Variants in CDC42SE1 observed in about 807,000 individuals in gnomAD.
CDC42SE1 encodes CDC42 small effector protein 1.
CDC42SE1 carries 10 observed loss-of-function variants against 10.9 expected under a neutral mutation model. The ratio of observed to expected loss-of-function variants is 0.92; its 90% CI spans 0.57 to 1.56. The LOEUF is 1.56. Among genes scored for constraint, CDC42SE1 ranks in the 40% most tolerant of loss-of-function variants. The pLI is 0.00. For synonymous variants in CDC42SE1, 24 were observed against 32.0 expected, an observed-to-expected ratio of 0.75 and a Z score of 0.85; for missense variants, 81 against 100.8, an observed-to-expected ratio of 0.80 and a Z score of 0.84.
At position 151,057,199 on chromosome 1, in the gene CDC42SE1, T is replaced by C. The variant is rs1315653217; in HGVS notation, c.-263-1206A>G. ...TCCCTTTCTTGCAGGCCGGGAACCC[T>C]GATGCTTTGGCACCCTAGACTGATT... On this transcript the variant is annotated intron_variant, in intron 1 of 4. Transcript: ENST00000357235. The surrounding 1 kb of genome is among the most constrained non-coding windows in gnomAD (Gnocchi z 4.0). Among the ~76,000 whole-genome samples the C allele has an allele frequency of 6.6e-6, 1 of 152,192 alleles. No homozygotes were observed. The highest frequency in any genetic ancestry group is 1.5e-5 in the Non-Finnish European group (1 of 68,032).
In CDC42SE1 at chr1:151,057,981, G is replaced by A. The variant is rs1486368853; in HGVS notation, c.-264+1498C>T. On this transcript the variant is annotated intron_variant, in intron 1 of 4. Transcript: ENST00000357235. This position sits in a 1 kb window ranked among gnomAD's most constrained non-coding sequence, Gnocchi z 4.0. ...TGATGGTGGTGGTGGCAGGTGGTAA[G>A]GGTTGGGGAAAAATGAAGAATTAGA... The A allele has an allele frequency of 6.6e-6, 1 of 152,424 alleles. No individual in the cohort carries two copies. The highest frequency in any genetic ancestry group is 1.5e-5 in the Non-Finnish European group (1 of 68,248). 9.4% of individuals were successfully genotyped at this position (152,424 alleles called of 1,614,324 possible).
In CDC42SE1 at chr1:151,051,247, T is replaced by C. The variant is rs1676171545; in HGVS notation, c.*2097A>G. On this transcript the variant is annotated 3_prime_UTR_variant, in exon 5 of 5. Transcript: ENST00000357235. Reference sequence around the variant, plus strand: ...CTATCCTGTTAACCCTTTAGATCTCTAGTATAACACTCAGGCTACTGAGGT... The same window carrying C: ...CTATCCTGTTAACCCTTTAGATCTCCAGTATAACACTCAGGCTACTGAGGT... 6.6e-6 allele frequency: 1 copy of C among 151,754 alleles called. No individual in the cohort carries two copies. Among genetic ancestry groups the C allele is most frequent in the African/African-American group, 2.4e-5 (1 of 41,324 alleles). The allele number at this position is 151,754 out of a possible 1,614,324, so 9.4% of individuals were successfully genotyped here. A position where few individuals can be genotyped will look rare whatever the true frequency, so the allele number is the denominator to read the frequency against.
Position 151,054,211 on chromosome 1 carries a change from G to A in CDC42SE1, c.*16+20C>T, listed in dbSNP as rs587683398. On this transcript the variant is annotated intron_variant, in intron 4 of 4. Coordinates refer to ENST00000357235, the MANE Select transcript of CDC42SE1 (RefSeq NM_020239.4). Reference sequence around the variant, plus strand: ...TGTTATGGGGGCTGAGGTGTTAGATGGGTTTCTCTAATCACTCACCATTCC... The same window carrying A: ...TGTTATGGGGGCTGAGGTGTTAGATAGGTTTCTCTAATCACTCACCATTCC... The A allele has an allele frequency of 9.4e-5, 138 of 1,461,524 alleles. 2 individuals are homozygous for A. In the South Asian group the frequency reaches 1.4e-3, roughly 15 times the overall value. The allele number at this position is 1,461,524 out of a possible 1,614,324, so 90.5% of individuals were successfully genotyped here. A position where few individuals can be genotyped will look rare whatever the true frequency, so the allele number is the denominator to read the frequency against.
At chr1:151,054,513 GGTCTTTTACTA>G (rs890923423) in intron 3 of CDC42SE1, among the ~76,000 whole-genome samples, 192 bp from the exon 4 acceptor site, 36 of 152,068 alleles carry the variant, frequency 2.4e-4, no homozygotes, top group African/African-American at 8.5e-4. Flanking sequence ...AGGTAAAATG[GGTCTTTTACTA>G]ATAATATTCC....
chr1:151,054,450 T>G, intron 3 of CDC42SE1, 129 bp from the exon 4 acceptor site: 1 of 750,716 alleles, frequency 1.3e-6, no homozygotes, highest in Non-Finnish European at 2.3e-6. Flanking sequence ...CTAACCACCA[T>G]TCCTCCTAGG....
At position 151,057,390 on chromosome 1, in the gene CDC42SE1, G is replaced by A. The variant is rs1402500328; in HGVS notation, c.-263-1397C>T. On this transcript the variant is annotated intron_variant, in intron 1 of 4. Transcript: ENST00000357235. This position sits in a 1 kb window ranked among gnomAD's most constrained non-coding sequence, Gnocchi z 4.0. ...TACAAAAGATTAGCTGGGCGTGGTGGCGGATGCCTGTAATCCCAGCTACTT... is the reference window on the plus strand; with the variant it reads ...TACAAAAGATTAGCTGGGCGTGGTGACGGATGCCTGTAATCCCAGCTACTT... 6.6e-6 allele frequency among the ~76,000 whole-genome samples: 1 copy of A among 152,214 alleles called. No homozygotes were observed. Among genetic ancestry groups the A allele is most frequent in the East Asian group, 1.9e-4 (1 of 5,200 alleles).
Position 151,055,661 on chromosome 1 carries a change from G to T in CDC42SE1, c.54+16C>A. ...TGACTGCTCTTTGGGTTAGGATGGG[G>T]GGTGGGGAGACTCACCGGCTGGGGT... On this transcript the variant is annotated intron_variant, in intron 2 of 4. Transcript: ENST00000357235. The T allele has an allele frequency of 1.2e-6, 2 of 1,606,594 alleles. No individual in the cohort carries two copies. Among genetic ancestry groups the T allele is most frequent in the South Asian group, 2.2e-5 (2 of 90,624 alleles).
At chr1:151,054,171 G>A (rs1290680612) in intron 4 of CDC42SE1, 60 bp downstream of exon 4, 2 of 1,060,208 alleles carry the variant, frequency 1.9e-6, no homozygotes, top group Non-Finnish European at 2.9e-6. Context: ...TCTGAGTCAG[G>A]GTATCAGGTT....
intron 1 of CDC42SE1, chr1:151,056,854 C>A (rs1676288622): frequency 6.6e-6 from 1 of 152,452 alleles, no homozygotes; most frequent in Non-Finnish European, 1.5e-5. Context: ...TCCCCACCGT[C>A]CACATGTCCT....
chr1:151,054,575 C>T (rs985393602), intron 3 of CDC42SE1, among the ~76,000 whole-genome samples: 12 of 152,188 alleles, frequency 7.9e-5, no homozygotes, highest in South Asian at 4.1e-4. Context: ...GTTTCAGGAT[C>T]TGAGAAAAGA....
At chr1:151,055,621 A>G in intron 2 of CDC42SE1, 56 bp downstream of exon 2, 1 of 1,428,754 alleles carries the variant, frequency 7.0e-7, no homozygotes. Context: ...TGGCTACCTC[A>G]CAGCACACAG....
chr1:151,055,991 AC>A lies in CDC42SE1; in HGVS notation c.-262del, dbSNP rs1321082478. The A allele has an allele frequency of 1.9e-6, 1 of 533,252 alleles. No individual in the cohort carries two copies. Among genetic ancestry groups the A allele is most frequent in the African/African-American group, 1.9e-5 (1 of 52,520 alleles). 33.0% of individuals were successfully genotyped at this position (533,252 alleles called of 1,614,324 possible). ...AGGTTATGTCTTCCTCAGACTCGGA[AC>A]CCTGGATTAGAAGAAAGTAAAAAGA... On this transcript the variant is annotated splice_region_variant and 5_prime_UTR_variant, in exon 2 of 5. An upstream open reading frame in the 5' UTR gains an earlier in-frame stop. Transcript: ENST00000357235.
chr1:151,056,333 CT>C (rs1676277871), intron 1 of CDC42SE1, among the ~76,000 whole-genome samples: 1 of 152,134 alleles, frequency 6.6e-6, no homozygotes. Context: ...TCCCTTCTCT[CT>C]GAGTTTAGGG....
Position 151,051,253 on chromosome 1 carries a change from AACACTCAG to A in CDC42SE1, c.*2083_*2090del, listed in dbSNP as rs928621634. On this transcript the variant is annotated 3_prime_UTR_variant, in exon 5 of 5. Coordinates refer to ENST00000357235, the MANE Select transcript of CDC42SE1 (RefSeq NM_020239.4). ...TGTTAACCCTTTAGATCTCTAGTATAACACTCAGGCTACTGAGGTATTTTAGAGCAACA... is the reference window on the plus strand; with the variant it reads ...TGTTAACCCTTTAGATCTCTAGTATAGCTACTGAGGTATTTTAGAGCAACA... The A allele has an allele frequency of 6.6e-6, 1 of 152,036 alleles. No individual in the cohort carries two copies. The highest frequency in any genetic ancestry group is 1.5e-5 in the Non-Finnish European group (1 of 68,004). The allele number at this position is 152,036 out of a possible 1,614,324, so 9.4% of individuals were successfully genotyped here. A position where few individuals can be genotyped will look rare whatever the true frequency, so the allele number is the denominator to read the frequency against.
rs770624540 is a variant in CDC42SE1 at position 151,054,256 on chromosome 1, C to G, written c.231G>C (p.Arg77Ser). The G allele has an allele frequency of 1.9e-5, 31 of 1,611,904 alleles. No individual in the cohort carries two copies. The highest frequency in any genetic ancestry group is 2.6e-5 in the Non-Finnish European group (31 of 1,178,220). ...GNRDRPWSNS[R>S]GL ...CATTCCATTATTGGAGCTATAAGCC[C>G]CTAGAATTGCTCCATGGCCTATCTC... Residue 77 changes from arginine (R) to serine (S), a missense_variant, in exon 4 of 5, where the codon AGG (arginine) becomes AGC (serine). By Grantham distance (110) the Arg-to-Ser change is moderately radical (BLOSUM62 -1). Transcript: ENST00000357235.
At position 151,055,080 on chromosome 1, in the gene CDC42SE1, A is replaced by G; in HGVS notation, c.101T>C (p.Met34Thr). 1 of 1,613,514 alleles carries G rather than the reference A, an allele frequency of 6.2e-7. No homozygotes were observed. The change falls in exon 3 of 5, where the codon ATG becomes ACG. Residue 34 changes from methionine to threonine, a missense_variant. Met to Thr is a moderately conservative substitution (Grantham distance 81, BLOSUM62 -1). Coordinates refer to ENST00000357235, the MANE Select transcript of CDC42SE1 (RefSeq NM_020239.4). ...AATGTGAGTCAGGTGAACAAAATTC[A>G]TTGGTTCCCCAATCATGGTCCGGTC... ...RIDRTMIGEP[M>T]NFVHLTHIGS...
At chr1:151,056,318 C>T (rs1676277254) in intron 1 of CDC42SE1, among the ~76,000 whole-genome samples, 1 of 152,126 alleles carries the variant, frequency 6.6e-6, no homozygotes, top group Non-Finnish European at 1.5e-5. Flanking sequence ...GATACAAGCT[C>T]CAGCTCCCTT....
intron 1 of CDC42SE1, among the ~76,000 whole-genome samples, chr1:151,056,315 G>T (rs1676277192): frequency 6.6e-6 from 1 of 152,186 alleles, no homozygotes; most frequent in Non-Finnish European, 1.5e-5. Flanking sequence ...GGTGATACAA[G>T]CTCCAGCTCC....
rs1214291143 is a variant in CDC42SE1 at position 151,051,478 on chromosome 1, G to C, written c.*1866C>G. 1 of 146,620 alleles carries C rather than the reference G, an allele frequency of 6.8e-6. No homozygotes were observed. The highest frequency in any genetic ancestry group is 2.5e-5 in the African/African-American group (1 of 39,350). 9.1% of individuals were successfully genotyped at this position (146,620 alleles called of 1,614,324 possible). A position where few individuals can be genotyped will look rare whatever the true frequency, so the allele number is the denominator to read the frequency against. On this transcript the variant is annotated 3_prime_UTR_variant, in exon 5 of 5. Transcript: ENST00000357235. ...AACTGAATGGGTGGTGGAATTGGCA[G>C]AATGGATACCAGTTCCTACATTCCT...
Sources: allele counts gnomAD v4.1 joint callset (sites outside exome capture counted in the v4.1 genomes callset), GRCh38; gene constraint gnomAD v4.1.1; non-coding constraint Gnocchi (gnomAD v3.1); transcripts MANE v1.5; gene names NCBI Gene and HGNC (gene_info 2026-07-23, HGNC 2026-07-21).